Variants in EYS observed in about 807,000 individuals in gnomAD.
EYS encodes the protein protein eyes shut homolog.
EYS carries 250 observed loss-of-function variants against 282.1 expected under a neutral mutation model. The observed-to-expected ratio is 0.89, with a 90% CI of 0.80 to 0.98. EYS has a LOEUF of 0.98. Ranked by LOEUF, EYS falls within the 50% of genes least tolerant of loss-of-function variation. The probability of loss-of-function intolerance (pLI) is 0.00; values close to 1 mark genes in which losing one functional copy is unlikely to be tolerated. For missense variants in EYS, 4,016 were observed against 3,709.0 expected (o/e 1.08, Z -2.15); for synonymous variants, 1,355 against 1,282.9 (o/e 1.06, Z -1.20).
intron 2 of EYS, among the ~76,000 whole-genome samples, chr6:65,512,676 C>A (rs980507556): frequency 3.3e-5 from 5 of 151,962 alleles, no homozygotes; most frequent in South Asian, 2.1e-4. Flanking sequence ...GAACAACCTG[C>A]TCCTGAATGA....
chr6:64,591,840 C>T lies in EYS; in HGVS notation c.4027G>A (p.Ala1343Thr), dbSNP rs896797826. 7 of 1,551,132 alleles carry T rather than the reference C, an allele frequency of 4.5e-6. No individual in the cohort carries two copies. The highest frequency in any genetic ancestry group is 2.0e-5 in the Admixed American group (1 of 50,944). ...AGGAATCGAGAAGAGGAAACATCTGCGGAAGAAAGAAGACTGTGTTTTGCT... is the reference window on the plus strand; with the variant it reads ...AGGAATCGAGAAGAGGAAACATCTGTGGAAGAAAGAAGACTGTGTTTTGCT... ...LSAKHSLLSS[A>T]DVSSSRFLNF... Residue 1343 changes from alanine (A) to threonine (T), a missense_variant, in exon 26 of 43, where the codon GCA becomes ACA. By Grantham distance (58) the Ala-to-Thr change is moderately conservative (BLOSUM62 0). Transcript: ENST00000503581.
intron 31 of EYS, among the ~76,000 whole-genome samples, chr6:64,186,641 C>T (rs1764955151): frequency 6.6e-6 from 1 of 152,102 alleles, no homozygotes; most frequent in Non-Finnish European, 1.5e-5. Flanking sequence ...ACAAATTTGA[C>T]ATCCTTCTCT....
At chr6:64,760,994 C>T (rs1461060677) in intron 22 of EYS, among the ~76,000 whole-genome samples, 1 of 152,120 alleles carries the variant, frequency 6.6e-6, no homozygotes, top group African/African-American at 2.4e-5. Context: ...ATAACTTTTA[C>T]TAAAAAAATT....
At chr6:64,537,073 T>A (rs1449716221) in intron 26 of EYS, among the ~76,000 whole-genome samples, 1 of 151,504 alleles carries the variant, frequency 6.6e-6, no homozygotes, top group Non-Finnish European at 1.5e-5. Context: ...TAGTTACATA[T>A]GTATACATGT....
rs1300260504 is a variant in EYS at position 63,720,457 on chromosome 6, A to G, written c.*139T>C. ...ACCTTCAGTGACATTTTACAATCTT[A>G]TCAAAAAGATATGTTAGCATTTAGA... On this transcript the variant is annotated 3_prime_UTR_variant, in exon 43 of 43. Coordinates refer to ENST00000503581, the MANE Select transcript of EYS (RefSeq NM_001142800.2). 1 of 609,448 alleles carries G rather than the reference A, an allele frequency of 1.6e-6. No individual in the cohort carries two copies. The allele number at this position is 609,448 out of a possible 1,614,324, so 37.8% of individuals were successfully genotyped here. A position where few individuals can be genotyped will look rare whatever the true frequency, so the allele number is the denominator to read the frequency against.
intron 5 of EYS, among the ~76,000 whole-genome samples, chr6:65,473,367 C>T (rs1765285937): frequency 6.6e-6 from 1 of 151,578 alleles, no homozygotes; most frequent in Non-Finnish European, 1.5e-5. Context: ...GAAAAAGAAG[C>T]AATAGAATAT....
chr6:63,984,392 G>T lies in EYS; in HGVS notation c.7046C>A (p.Thr2349Asn). The change falls in exon 35 of 43, where the codon ACC (threonine) becomes AAC (asparagine). Residue 2349 changes from threonine to asparagine, a missense_variant. By Grantham distance (65) the Thr-to-Asn change is moderately conservative. Coordinates refer to ENST00000503581, the MANE Select transcript of EYS (RefSeq NM_001142800.2). ...GGAGACTAATACTGACCTGATGCAG[G>T]TGCCATTGTTGCGGCACAGATGATG... Reference protein sequence around the residue: ...CAHHLCRNNGTCISDNENLFC... With the variant: ...CAHHLCRNNGNCISDNENLFC... 1 of 1,547,448 alleles carries T rather than the reference G, an allele frequency of 6.5e-7. No individual in the cohort carries two copies. The highest frequency in any genetic ancestry group is 1.4e-5 in the African/African-American group (1 of 72,888).
At chr6:64,268,507 C>A (rs1224295341) in intron 30 of EYS, among the ~76,000 whole-genome samples, 1 of 151,984 alleles carries the variant, frequency 6.6e-6, no homozygotes, top group Non-Finnish European at 1.5e-5. Flanking sequence ...GCTATGTAGA[C>A]AACACATTTG....
At chr6:65,064,866 G>C (rs1315999687) in intron 12 of EYS, among the ~76,000 whole-genome samples, 1 of 152,078 alleles carries the variant, frequency 6.6e-6, no homozygotes, top group Non-Finnish European at 1.5e-5. Flanking sequence ...TGGACTGAAA[G>C]CTGGGAAGTG....
chr6:65,155,821 A>T (rs942023265), intron 12 of EYS, among the ~76,000 whole-genome samples: 3 of 151,606 alleles, frequency 2.0e-5, no homozygotes, highest in Middle Eastern at 3.4e-3. Flanking sequence ...TAGCAGTTTG[A>T]CTCTGCTAAA....
chr6:65,507,307 T>C (rs747878819), intron 2 of EYS, among the ~76,000 whole-genome samples: 18 of 152,156 alleles, frequency 1.2e-4, no homozygotes, highest in Non-Finnish European at 1.2e-4. Context: ...TGTTCCTGTA[T>C]AGAAAAAGTG....
At chr6:64,400,688 C>T (rs1773513784) in intron 28 of EYS, among the ~76,000 whole-genome samples, 1 of 152,010 alleles carries the variant, frequency 6.6e-6, no homozygotes, top group African/African-American at 2.4e-5. Context: ...CTTAGCTCAC[C>T]ATGCAGTGTA....
intron 31 of EYS, among the ~76,000 whole-genome samples, chr6:64,103,919 G>C (rs1772918672): frequency 6.6e-6 from 1 of 152,218 alleles, no homozygotes; most frequent in Middle Eastern, 3.4e-3. Flanking sequence ...AGTATGTTGT[G>C]GGTTAAGGTG....
At chr6:64,583,923 G>T (rs1766151299) in intron 26 of EYS, among the ~76,000 whole-genome samples, 1 of 151,844 alleles carries the variant, frequency 6.6e-6, no homozygotes, top group Non-Finnish European at 1.5e-5. Flanking sequence ...TATGTAGATG[G>T]CATGTTTGGA....
At chr6:65,394,667 T>G (rs1582234965) in intron 7 of EYS, among the ~76,000 whole-genome samples, 1 of 152,272 alleles carries the variant, frequency 6.6e-6, no homozygotes, top group African/African-American at 2.4e-5. Context: ...AATCCCTTTT[T>G]ACCATTACCT....
chr6:64,350,517 GGC>G (rs1420961098), intron 29 of EYS, among the ~76,000 whole-genome samples: 3 of 151,386 alleles, frequency 2.0e-5, no homozygotes, highest in Non-Finnish European at 4.4e-5. Context: ...TATGGATCTG[GGC>G]ATAAGAGGCT....
At chr6:64,771,749 A>G (rs1773529187) in intron 22 of EYS, among the ~76,000 whole-genome samples, 1 of 151,752 alleles carries the variant, frequency 6.6e-6, no homozygotes, top group African/African-American at 2.4e-5. Flanking sequence ...TACAGAATTT[A>G]TTGATTATCT....
intron 12 of EYS, among the ~76,000 whole-genome samples, chr6:65,206,704 A>G (rs964813052): frequency 3.3e-5 from 5 of 151,806 alleles, no homozygotes; most frequent in Admixed American, 3.3e-4. Flanking sequence ...TTCCAGGGAT[A>G]TAAGGGCAAT....
intron 14 of EYS, among the ~76,000 whole-genome samples, chr6:64,969,704 C>T (rs1770222534): frequency 6.6e-6 from 1 of 151,994 alleles, no homozygotes; most frequent in Admixed American, 6.6e-5. Context: ...GGATTTAATC[C>T]CACATAGCTA....
Sources: gnomAD v4.1 joint callset for allele counts (sites outside exome capture counted in the v4.1 genomes callset) on GRCh38, gnomAD v4.1.1 for gene constraint, MANE v1.5 for transcripts, NCBI Gene and HGNC (gene_info 2026-07-23, HGNC 2026-07-21) for gene names.